The following IL1RAPL2 variants were observed in gnomAD, a reference collection of about 807,000 sequenced individuals.
IL1RAPL2 encodes X-linked interleukin-1 receptor accessory protein-like 2.
IL1RAPL2 carries 3 observed loss-of-function variants against 44.1 expected under a neutral mutation model. The ratio of observed to expected loss-of-function variants is 0.07; its 90% CI spans 0.03 to 0.18. IL1RAPL2 has a LOEUF of 0.18. Among genes scored for constraint, IL1RAPL2 ranks in the 10% least tolerant of loss-of-function variants. The pLI, the probability that IL1RAPL2 is intolerant of heterozygous loss-of-function variation, is 1.00. For synonymous variants in IL1RAPL2, 181 were observed against 178.8 expected (o/e 1.01, Z -0.10); for missense variants, 391 against 496.4 (o/e 0.79, Z 2.02).
chrX:104,706,014 T>C (rs1454684438), intron 2 of IL1RAPL2, among the ~76,000 whole-genome samples: 1 of 111,860 alleles, frequency 8.9e-6, no homozygotes, highest in Non-Finnish European at 1.9e-5. Context: ...TATTTGTTAA[T>C]AGGCATCTTT....
chrX:104,638,905 G>A (rs1929878774), intron 1 of IL1RAPL2, among the ~76,000 whole-genome samples: 1 of 111,988 alleles, frequency 8.9e-6, no homozygotes, highest in Admixed American at 9.4e-5. Flanking sequence ...TAAATATAAT[G>A]TTTCTCTGGT....
chrX:105,080,949 A>G (rs2032396977), intron 2 of IL1RAPL2, among the ~76,000 whole-genome samples: 1 of 111,181 alleles, frequency 9.0e-6, no homozygotes, highest in South Asian at 3.8e-4. Context: ...TGTAAGTTGT[A>G]TTCCTAGGTA....
At chrX:104,902,367 C>T (rs1239684575) in intron 2 of IL1RAPL2, among the ~76,000 whole-genome samples, 2 of 111,923 alleles carry the variant, frequency 1.8e-5, no homozygotes, top group East Asian at 2.8e-4. Flanking sequence ...CACTGTTAAC[C>T]TCCAAATTAC....
At chrX:105,192,280 C>A (rs2033639155) in intron 2 of IL1RAPL2, among the ~76,000 whole-genome samples, 1 of 111,898 alleles carries the variant, frequency 8.9e-6, no homozygotes, top group South Asian at 3.7e-4. Context: ...TGGCACTTGG[C>A]AAATTCAGTT....
chrX:105,412,940 A>C (rs1296497080), intron 5 of IL1RAPL2, among the ~76,000 whole-genome samples: 3 of 112,115 alleles, frequency 2.7e-5, no homozygotes, highest in African/African-American at 9.7e-5. Context: ...TAATGCATTT[A>C]TTCAAAATAT....
chrX:105,027,124 G>A lies in IL1RAPL2; in HGVS notation c.83-168351G>A, dbSNP rs758256056. 3.6e-5 allele frequency among the ~76,000 whole-genome samples: 4 copies of A among 111,597 alleles called. No homozygotes were observed. In the East Asian group the frequency reaches 8.5e-4, roughly 24 times the overall value. ...GCTGGGAAGACGATATCCATATGCA[G>A]AAGAGAGAAACTAGGCCCCTGTCTC... On this transcript the variant is annotated intron_variant, in intron 2 of 10. Coordinates refer to ENST00000372582, the MANE Select transcript of IL1RAPL2 (RefSeq NM_017416.2).
intron 2 of IL1RAPL2, among the ~76,000 whole-genome samples, chrX:104,806,845 TG>T (rs1240736443): frequency 2.7e-5 from 3 of 111,686 alleles, no homozygotes; most frequent in Non-Finnish European, 5.6e-5. Flanking sequence ...ATGTGGCCAT[TG>T]AGAGGATTTA....
chrX:105,597,170 C>A (rs964643490), intron 6 of IL1RAPL2, among the ~76,000 whole-genome samples: 3 of 111,352 alleles, frequency 2.7e-5, no homozygotes, highest in Non-Finnish European at 5.7e-5. Context: ...ATAGACATTT[C>A]TACAAAGAAG....
In IL1RAPL2 at chrX:105,445,334, GTTTCCTTGATCGTTTTTA is replaced by G. The variant is rs1480810551; in HGVS notation, c.698-38958_698-38941del. ...TATCTTTACAAAAAAACAAATTTTTGTTTCCTTGATCGTTTTTATTTCCTTGATCGTTTTTATTATTTT... is the reference window on the plus strand; with the variant it reads ...TATCTTTACAAAAAAACAAATTTTTGTTTCCTTGATCGTTTTTATTATTTT... On this transcript the variant is annotated intron_variant, in intron 5 of 10. Coordinates refer to ENST00000372582, the MANE Select transcript of IL1RAPL2 (RefSeq NM_017416.2). Among the ~76,000 whole-genome samples the G allele has an allele frequency of 2.8e-3, 314 of 110,554 alleles. 1 individual carries two copies. Among genetic ancestry groups the G allele is most frequent in the African/African-American group, 9.8e-3 (300 of 30,499 alleles).
At chrX:105,163,119 A>G (rs1023948312) in intron 2 of IL1RAPL2, among the ~76,000 whole-genome samples, 1 of 111,747 alleles carries the variant, frequency 8.9e-6, no homozygotes, top group African/African-American at 3.3e-5. Flanking sequence ...GAACACAGTC[A>G]TGCTAATTTG....
intron 1 of IL1RAPL2, among the ~76,000 whole-genome samples, chrX:104,582,811 C>T (rs372753940): frequency 1.3e-4 from 4 of 30,976 alleles, no homozygotes; most frequent in South Asian, 1.6e-3. Flanking sequence ...CTCTCTTTCT[C>T]TCCTTTCTTT....
intron 5 of IL1RAPL2, among the ~76,000 whole-genome samples, chrX:105,342,172 G>A (rs1336943963): frequency 3.4e-5 from 3 of 87,035 alleles, no homozygotes; most frequent in South Asian, 1.0e-3. Context: ...GGTGGGGGGA[G>A]GGGGGAGGCA....
chrX:104,918,142 T>C (rs1219347384), intron 2 of IL1RAPL2, among the ~76,000 whole-genome samples: 1 of 112,168 alleles, frequency 8.9e-6, no homozygotes, highest in Non-Finnish European at 1.9e-5. Flanking sequence ...CAACTGAACG[T>C]TTGCAATTAT....
At chrX:105,724,400 C>T (rs2038333268) in intron 7 of IL1RAPL2, among the ~76,000 whole-genome samples, 1 of 110,387 alleles carries the variant, frequency 9.1e-6, no homozygotes, top group African/African-American at 3.3e-5. Flanking sequence ...CCACTGTGGT[C>T]CCGAGCCTCT....
chrX:104,941,575 G>A (rs1026224013), intron 2 of IL1RAPL2, among the ~76,000 whole-genome samples: 2 of 111,542 alleles, frequency 1.8e-5, no homozygotes, highest in African/African-American at 6.5e-5. Flanking sequence ...ATTTGTTTAA[G>A]TTCTTTGTAG....
At chrX:104,777,540 CAATTAT>C (rs1932737365) in intron 2 of IL1RAPL2, among the ~76,000 whole-genome samples, 1 of 84,154 alleles carries the variant, frequency 1.2e-5, no homozygotes, top group Non-Finnish European at 2.3e-5. Context: ...ACTCTGCTTT[CAATTAT>C]TATTATTATT....
At position 105,728,429 on chromosome X, in the gene IL1RAPL2, G is replaced by A. The variant is rs141103695; in HGVS notation, c.902+10933G>A. On this transcript the variant is annotated intron_variant, in intron 7 of 10. Transcript: ENST00000372582. ...TCTTAATGCTACCAGCACCATGCTAGTTGCTAGTGGTACAAAAATTAAAGC... is the reference window on the plus strand; with the variant it reads ...TCTTAATGCTACCAGCACCATGCTAATTGCTAGTGGTACAAAAATTAAAGC... Among the ~76,000 whole-genome samples, 699 of 111,768 alleles carry A rather than the reference G, an allele frequency of 6.3e-3. 3 individuals carry two copies. Among genetic ancestry groups the A allele is most frequent in the Non-Finnish European group, 9.8e-3 (518 of 52,946 alleles).
chrX:105,056,991 T>C (rs753834762), intron 2 of IL1RAPL2, among the ~76,000 whole-genome samples: 16 of 111,824 alleles, frequency 1.4e-4, no homozygotes, highest in East Asian at 2.8e-4. Context: ...TGAATATTGA[T>C]GTGCATGGTG....
At chrX:104,887,058 A>G (rs1923270364) in intron 2 of IL1RAPL2, among the ~76,000 whole-genome samples, 1 of 112,629 alleles carries the variant, frequency 8.9e-6, no homozygotes, top group African/African-American at 3.2e-5. Flanking sequence ...CAGGGCCCTC[A>G]GCAAGGAATG....
Sources: gnomAD v4.1 joint callset for allele counts (sites outside exome capture counted in the v4.1 genomes callset) on GRCh38, gnomAD v4.1.1 for gene constraint, MANE v1.5 for transcripts, NCBI Gene and HGNC (gene_info 2026-07-23, HGNC 2026-07-21) for gene names.